TRAM2: variants seen among roughly 807,000 people sequenced by gnomAD.
The protein encoded by TRAM2 is translocation associated membrane protein 2, also known as translocating chain-associated membrane protein 2.
A neutral mutation model predicts 51.0 loss-of-function variants in TRAM2; 12 were observed. The ratio of observed to expected loss-of-function variants is 0.24; its 90% confidence interval spans 0.15 to 0.38. The LOEUF is 0.38. TRAM2 is among the 10% of genes least tolerant of loss of function. The probability of loss-of-function intolerance (pLI) is 1.00; values close to 1 mark genes in which losing one functional copy is unlikely to be tolerated. For synonymous variants in TRAM2, 175 were observed against 179.4 expected (o/e 0.98, Z 0.20); for missense variants, 361 against 462.0 (o/e 0.78, Z 2.00).
intron 1 of TRAM2, among the ~76,000 whole-genome samples, chr6:52,553,866 A>C (rs1767354013): frequency 6.6e-6 from 1 of 152,200 alleles, no homozygotes; most frequent in African/African-American, 2.4e-5. Context: ...AATAACAATT[A>C]GTCATTCTTC....
chr6:52,535,694 AAAAATT>A, intron 2 of TRAM2, 83 bp downstream of exon 2: 1 of 1,304,484 alleles, frequency 7.7e-7, no homozygotes, highest in Non-Finnish European at 1.1e-6. Context: ...GGGAAAAAAA[AAAAATT>A]GTACACAGAT....
At chr6:52,538,953 T>C (rs1246422953) in intron 1 of TRAM2, among the ~76,000 whole-genome samples, 1 of 152,186 alleles carries the variant, frequency 6.6e-6, no homozygotes, top group Non-Finnish European at 1.5e-5. Context: ...TGTCAACAGA[T>C]CAATTCATAA....
intron 1 of TRAM2, among the ~76,000 whole-genome samples, chr6:52,573,824 C>T (rs1767720029): frequency 2.0e-5 from 3 of 152,000 alleles, no homozygotes; most frequent in African/African-American, 7.2e-5. Flanking sequence ...GCAATGCAGA[C>T]ACAAGGGCTG....
intron 1 of TRAM2, among the ~76,000 whole-genome samples, chr6:52,548,498 G>T (rs1308535536): frequency 6.6e-6 from 1 of 152,182 alleles, no homozygotes; most frequent in African/African-American, 2.4e-5. Flanking sequence ...ACTATTCACT[G>T]AACTTCTATC....
Position 52,506,133 on chromosome 6 carries a change from C to T in TRAM2, c.630G>A (p.Leu210=). ...GCAGCAAGATCAGGCCCAGGCGGCTCAGGCTGGGGGTGGGGAAGACTAGAC... is the reference window on the plus strand; with the variant it reads ...GCAGCAAGATCAGGCCCAGGCGGCTTAGGCTGGGGGTGGGGAAGACTAGAC... ...VHIAGAYLLN[L]SRLGLILLLL... The change falls in exon 8 of 11, where the codon CTG becomes CTA. Residue 210 remains leucine (L), a synonymous_variant. Coordinates refer to ENST00000182527, the MANE Select transcript of TRAM2 (RefSeq NM_012288.4). 1 of 1,613,666 alleles carries T rather than the reference C, an allele frequency of 6.2e-7. No individual in the cohort carries two copies. Among genetic ancestry groups the T allele is most frequent in the Non-Finnish European group, 8.5e-7 (1 of 1,179,986 alleles).
At chr6:52,514,787 G>A (rs1766514374) in intron 4 of TRAM2, among the ~76,000 whole-genome samples, 1 of 152,314 alleles carries the variant, frequency 6.6e-6, no homozygotes, top group Admixed American at 6.5e-5. Context: ...CTCCGGGGGT[G>A]GGCATGAACT....
intron 10 of TRAM2, among the ~76,000 whole-genome samples, chr6:52,504,087 C>T (rs781414335): frequency 8.5e-5 from 13 of 152,176 alleles, no homozygotes; most frequent in Non-Finnish European, 1.3e-4. Context: ...AGTGCGTGCA[C>T]GGGCCAAAGG....
intron 1 of TRAM2, among the ~76,000 whole-genome samples, chr6:52,542,515 G>A (rs1286350959): frequency 1.3e-5 from 2 of 152,160 alleles, no homozygotes; most frequent in Non-Finnish European, 2.9e-5. Flanking sequence ...ATCACAGGGG[G>A]CAGAGTTATG....
At chr6:52,509,737 G>A in intron 4 of TRAM2, 151 bp from the exon 5 acceptor site, 1 of 686,424 alleles carries the variant, frequency 1.5e-6, no homozygotes. Flanking sequence ...ACTTCTCTGT[G>A]TGGGACCCCT....
At chr6:52,566,122 T>A (rs1189739879) in intron 1 of TRAM2, among the ~76,000 whole-genome samples, 2 of 152,154 alleles carry the variant, frequency 1.3e-5, no homozygotes. Flanking sequence ...GATAAAGCCA[T>A]ACGAAGGCAA....
chr6:52,508,746 A>C (rs530844160), intron 5 of TRAM2, among the ~76,000 whole-genome samples: 2 of 152,168 alleles, frequency 1.3e-5, no homozygotes, highest in African/African-American at 2.4e-5. Flanking sequence ...AGATCTCGGG[A>C]AAGGCAGCCA....
intron 4 of TRAM2, among the ~76,000 whole-genome samples, chr6:52,510,205 G>C (rs868673180): frequency 1.3e-5 from 2 of 152,156 alleles, no homozygotes; most frequent in African/African-American, 2.4e-5. Context: ...CATTACTCTT[G>C]CAAGTCCCTT....
chr6:52,516,323 T>G, intron 3 of TRAM2: 1 of 602,770 alleles, frequency 1.7e-6, no homozygotes, highest in Non-Finnish European at 2.9e-6. Flanking sequence ...AGTGGCAAGA[T>G]GAATGTCTCT....
At chr6:52,547,710 G>A (rs1003811476) in intron 1 of TRAM2, among the ~76,000 whole-genome samples, 2 of 152,230 alleles carry the variant, frequency 1.3e-5, no homozygotes, top group Admixed American at 6.5e-5. Context: ...TGTTCTGCAC[G>A]TTCCCAGGGG....
chr6:52,568,374 A>G (rs1287215351), intron 1 of TRAM2, among the ~76,000 whole-genome samples: 1 of 152,254 alleles, frequency 6.6e-6, no homozygotes, highest in African/African-American at 2.4e-5. Flanking sequence ...TGTTGAGGTC[A>G]CAAGTTGATC....
At chr6:52,524,917 C>T (rs1275845453) in intron 2 of TRAM2, 1 of 152,228 alleles carries the variant, frequency 6.6e-6, no homozygotes, top group African/African-American at 2.4e-5. Flanking sequence ...GAGCTACACA[C>T]TGTAAGGTGC....
chr6:52,504,748 G>T lies in TRAM2; in HGVS notation c.882C>A (p.Cys294Ter). Residue 294 changes from cysteine (C) to a stop codon, truncating the protein, a stop_gained, in exon 10 of 11, where the codon TGC (cysteine) becomes TGA (stop). Coordinates refer to ENST00000182527, the MANE Select transcript of TRAM2 (RefSeq NM_012288.4). LOFTEE classifies it high-confidence loss of function. ...GNFNTLFCRL[C>*]VLLLVCAAQA... is the part of the protein sequence containing the mutation. ...GGGCGGCACACACCAGCAGCAGCAC[G>T]CAGAGCCTGCAGAGCAGGGGGTTAG... The T allele has an allele frequency of 6.2e-7, 1 of 1,600,746 alleles. No homozygotes were observed. Among genetic ancestry groups the T allele is most frequent in the Non-Finnish European group, 8.5e-7 (1 of 1,175,498 alleles).
At chr6:52,573,881 T>C (rs556253811) in intron 1 of TRAM2, among the ~76,000 whole-genome samples, 8 of 152,112 alleles carry the variant, frequency 5.3e-5, no homozygotes, top group African/African-American at 9.7e-5. Context: ...CCCAGCCCAT[T>C]GGCAGAGGCA....
chr6:52,548,754 A>G (rs1024427091), intron 1 of TRAM2, among the ~76,000 whole-genome samples: 9 of 152,344 alleles, frequency 5.9e-5, no homozygotes, highest in African/African-American at 2.2e-4. Flanking sequence ...CTTGATGCAT[A>G]AAGGGTTCAT....
Sources: allele counts gnomAD v4.1 joint callset (sites outside exome capture counted in the v4.1 genomes callset), GRCh38; gene constraint gnomAD v4.1.1; transcripts MANE v1.5; gene names NCBI Gene and HGNC (gene_info 2026-07-23, HGNC 2026-07-21).